MLKL: variants seen among roughly 807,000 people sequenced by gnomAD.
The protein encoded by MLKL is mixed lineage kinase domain like pseudokinase.
In MLKL, 55 loss-of-function variants were observed where a neutral mutation model predicts 56.5. The ratio of observed to expected loss-of-function variants is 0.97; its 90% CI spans 0.78 to 1.22. MLKL has a LOEUF of 1.22. MLKL is among the 50% of genes most tolerant of loss of function. The pLI, the probability that MLKL is intolerant of heterozygous loss-of-function variation, is 0.00. For synonymous variants in MLKL, 251 were observed against 208.3 expected, an observed-to-expected ratio of 1.20 and a Z score of -1.76; for missense variants, 694 against 573.9, an observed-to-expected ratio of 1.21 and a Z score of -2.14.
intron 4 of MLKL, among the ~76,000 whole-genome samples, chr16:74,687,888 T>G (rs1235071748): frequency 6.6e-6 from 1 of 151,818 alleles, no homozygotes; most frequent in Non-Finnish European, 1.5e-5. Context: ...TGCAGTGGCG[T>G]GATCTCAGGT....
rs202051455 is a variant in MLKL at position 74,691,429 on chromosome 16, T to C, written c.570A>G (p.Gln190=). The change falls in exon 4 of 11, where the codon CAA becomes CAG. Residue 190 remains glutamine (Q), a synonymous_variant. Transcript: ENST00000308807. ...CCTTCTTGATCTCCTTGATTTGCTC[T>C]TGCGGGATCTCCTGCATGCATTTTG... ...LPPKCMQEIP[Q]EQIKEIKKEQ... 8 of 1,614,002 alleles carry C rather than the reference T, an allele frequency of 5.0e-6. No homozygotes were observed. In the Admixed American group the frequency reaches 5.0e-5, roughly 10 times the overall value.
chr16:74,680,704 A>G (rs1959915281), intron 6 of MLKL, among the ~76,000 whole-genome samples: 1 of 152,090 alleles, frequency 6.6e-6, no homozygotes, highest in South Asian at 2.1e-4. Context: ...ACGAGGTTTC[A>G]CCGTGTTGGG....
At chr16:74,676,446 G>T in intron 7 of MLKL, 2 of 985,454 alleles carry the variant, frequency 2.0e-6, no homozygotes, top group Non-Finnish European at 2.4e-6. Flanking sequence ...TGTGAGAAAA[G>T]GGATAAGGCA....
intron 10 of MLKL, among the ~76,000 whole-genome samples, chr16:74,673,988 C>G (rs1959409909): frequency 6.9e-6 from 1 of 145,306 alleles, no homozygotes; most frequent in Non-Finnish European, 1.5e-5. Flanking sequence ...AATAGGCAGA[C>G]AGATAAATAA....
intron 10 of MLKL, 151 bp downstream of exon 10, chr16:74,674,809 C>G (rs1050083758): frequency 7.1e-6 from 7 of 979,448 alleles, no homozygotes; most frequent in Non-Finnish European, 1.0e-5. Context: ...GGCCTTATGA[C>G]AAACAACAAT....
chr16:74,678,734 T>C (rs1959759966), intron 7 of MLKL, among the ~76,000 whole-genome samples, 165 bp downstream of exon 7: 1 of 152,132 alleles, frequency 6.6e-6, no homozygotes, highest in Non-Finnish European at 1.5e-5. Flanking sequence ...AGCGGGGCGA[T>C]CTCGCTCACT....
intron 6 of MLKL, 30 bp downstream of exon 6, chr16:74,682,621 C>A (rs779210864): frequency 4.3e-6 from 7 of 1,611,998 alleles, no homozygotes; most frequent in African/African-American, 1.3e-5. Context: ...CCCATCCAAC[C>A]CTTAGTGGCG....
intron 4 of MLKL, among the ~76,000 whole-genome samples, chr16:74,688,666 T>G (rs1403900077): frequency 3.3e-5 from 5 of 151,966 alleles, no homozygotes; most frequent in African/African-American, 1.2e-4. Flanking sequence ...GTGACTGATA[T>G]CACACCACTA....
In MLKL at chr16:74,678,916, G is replaced by C. The variant is rs1567602872; in HGVS notation, c.1021C>G (p.Gln341Glu). ...KIRSSNFLVT[Q>E]GYQVKLAGFE... ...ACACTCACCTTCACTTGGTAGCCTT[G>C]AGTTACCAGGAAGTTTGAGCTTCTG... Residue 341 changes from glutamine (Q) to glutamate (E), a missense_variant, in exon 7 of 11, where the codon CAA (glutamine) becomes GAA (glutamate). Transcript: ENST00000308807. The C allele has an allele frequency of 1.9e-6, 3 of 1,614,116 alleles. No individual in the cohort carries two copies. Among genetic ancestry groups the C allele is most frequent in the Non-Finnish European group, 2.5e-6 (3 of 1,180,004 alleles).
At chr16:74,690,407 T>G (rs1338336632) in intron 4 of MLKL, among the ~76,000 whole-genome samples, 1 of 152,168 alleles carries the variant, frequency 6.6e-6, no homozygotes, top group African/African-American at 2.4e-5. Flanking sequence ...TCCTGAAGGA[T>G]TCTTATACAG....
intron 6 of MLKL, among the ~76,000 whole-genome samples, chr16:74,680,124 G>A (rs753022447): frequency 1.3e-5 from 2 of 152,152 alleles, no homozygotes; most frequent in African/African-American, 4.8e-5. Flanking sequence ...CTGTCTATAA[G>A]GGTGAAAGGG....
At chr16:74,680,099 C>T (rs766607699) in intron 6 of MLKL, among the ~76,000 whole-genome samples, 1 of 152,112 alleles carries the variant, frequency 6.6e-6, no homozygotes, top group Non-Finnish European at 1.5e-5. Context: ...ATATAAAACT[C>T]GTGGGCACTT....
chr16:74,695,163 C>G, intron 2 of MLKL, 135 bp downstream of exon 2: 1 of 942,850 alleles, frequency 1.1e-6, no homozygotes, highest in Non-Finnish European at 1.6e-6. Flanking sequence ...AGAGCCATCG[C>G]GCCCAGCTAG....
At position 74,691,239 on chromosome 16, in the gene MLKL, T is replaced by G. The variant is rs751216995; in HGVS notation, c.722+38A>C. ...TCTCTCCTTGGAGAGTTAGAGTAAG[T>G]ATTGGTACACACGAGAGAACCACAC... On this transcript the variant is annotated intron_variant, in intron 4 of 10. Coordinates refer to ENST00000308807, the MANE Select transcript of MLKL (RefSeq NM_152649.4). 2.7e-5 allele frequency: 42 copies of G among 1,544,768 alleles called. 1 individual carries two copies. The Admixed American group carries it at 3.4e-4, about 13-fold the overall frequency.
At chr16:74,682,909 C>T in intron 5 of MLKL, 123 bp from the exon 6 acceptor site, 1 of 1,181,800 alleles carries the variant, frequency 8.5e-7, no homozygotes, top group Non-Finnish European at 1.2e-6. Context: ...CATTTCTCCC[C>T]CAATCCTCAG....
rs1398688633 is a variant in MLKL, at chr16:74,700,646, C to G, written c.-196G>C. The G allele has an allele frequency of 3.9e-5, 6 of 152,416 alleles. No homozygotes were observed. The highest frequency in any genetic ancestry group is 1.4e-4 in the African/African-American group (6 of 41,464). 9.4% of individuals were successfully genotyped at this position (152,416 alleles called of 1,614,324 possible). A position where few individuals can be genotyped will look rare whatever the true frequency, so the allele number is the denominator to read the frequency against. On this transcript the variant is annotated 5_prime_UTR_variant, in exon 1 of 11. Transcript: ENST00000308807. ...ACTCTGCTGACTGTACCGGACGCCACACGTGGCTGGCGGCGACAAGGCGCC... is the reference window on the plus strand; with the variant it reads ...ACTCTGCTGACTGTACCGGACGCCAGACGTGGCTGGCGGCGACAAGGCGCC...
intron 7 of MLKL, chr16:74,676,392 G>A (rs1597480714): frequency 3.0e-6 from 3 of 985,452 alleles, no homozygotes; most frequent in Non-Finnish European, 3.6e-6. Flanking sequence ...TGTGCTGAAG[G>A]CTGCCAGCCC....
At chr16:74,689,341 C>T (rs1334472477) in intron 4 of MLKL, among the ~76,000 whole-genome samples, 1 of 152,084 alleles carries the variant, frequency 6.6e-6, no homozygotes, top group African/African-American at 2.4e-5. Flanking sequence ...GTCTTGAACT[C>T]CTGACCTCAG....
In MLKL at chr16:74,681,767, C is replaced by G. The variant is rs541357873; in HGVS notation, c.956+884G>C. ...CGAGATCGTGCCACTGCACTCCAGC[C>G]TGGGCAACAGAGGGAGACTCCATCT... On this transcript the variant is annotated intron_variant, in intron 6 of 10. Transcript: ENST00000308807. Among the ~76,000 whole-genome samples the G allele has an allele frequency of 6.6e-5, 10 of 151,524 alleles. No homozygotes were observed. In the South Asian group the frequency reaches 2.1e-3, roughly 32 times the overall value.
Sources: gnomAD v4.1 joint callset for allele counts (sites outside exome capture counted in the v4.1 genomes callset) on GRCh38, gnomAD v4.1.1 for gene constraint, MANE v1.5 for transcripts, NCBI Gene and HGNC (gene_info 2026-07-23, HGNC 2026-07-21) for gene names.